Variants in SMYD3 observed in about 807,000 individuals in gnomAD.
The protein encoded by SMYD3 is histone-lysine N-methyltransferase SMYD3.
In SMYD3, 36 loss-of-function variants were observed where a neutral mutation model predicts 57.7. The observed-to-expected ratio is 0.62, with a 90% confidence interval of 0.48 to 0.82. The LOEUF (loss-of-function observed/expected upper bound fraction) is 0.82, where lower values mean the gene tolerates loss of function less well. Ranked by LOEUF, SMYD3 falls within the 40% of genes least tolerant of loss-of-function variation. The pLI, the probability that SMYD3 is intolerant of heterozygous loss-of-function variation, is 0.00. For missense variants in SMYD3, 515 were observed against 538.8 expected, an observed-to-expected ratio of 0.96 and a Z score of 0.44; for synonymous variants, 211 against 195.0, an observed-to-expected ratio of 1.08 and a Z score of -0.68.
intron 5 of SMYD3, among the ~76,000 whole-genome samples, chr1:246,188,834 A>G (rs1345212664): frequency 6.6e-6 from 1 of 151,808 alleles, no homozygotes; most frequent in Non-Finnish European, 1.5e-5. Flanking sequence ...GGTGGTGCAC[A>G]TTTGTGGTCC....
chr1:246,129,589 G>C (rs1287761059), intron 5 of SMYD3, among the ~76,000 whole-genome samples: 3 of 152,084 alleles, frequency 2.0e-5, no homozygotes, highest in Non-Finnish European at 4.4e-5. Flanking sequence ...GTAGCCCAAA[G>C]GGAACCAAGA....
At chr1:245,935,296 AT>A (rs1202239411) in intron 5 of SMYD3, among the ~76,000 whole-genome samples, 1 of 152,254 alleles carries the variant, frequency 6.6e-6, no homozygotes, top group Non-Finnish European at 1.5e-5. Context: ...CAAAAGATTC[AT>A]GAGAAAATGC....
At chr1:246,366,562 C>T (rs1380162357) in intron 1 of SMYD3, among the ~76,000 whole-genome samples, 3 of 142,038 alleles carry the variant, frequency 2.1e-5, no homozygotes, top group African/African-American at 8.1e-5. Context: ...AGAAAACCTT[C>T]TTTTTCTCTT....
At chr1:245,869,732 G>A (rs778552054) in intron 8 of SMYD3, among the ~76,000 whole-genome samples, 2 of 151,730 alleles carry the variant, frequency 1.3e-5, no homozygotes, top group East Asian at 1.9e-4. Flanking sequence ...TCCTACCCAC[G>A]CCCATCTCTG....
chr1:245,915,358 C>A (rs1233574151), intron 8 of SMYD3, among the ~76,000 whole-genome samples, 172 bp downstream of exon 8: 1 of 152,126 alleles, frequency 6.6e-6, no homozygotes, highest in African/African-American at 2.4e-5. Context: ...TGGTGGGTGA[C>A]AAAAGTTCCA....
At chr1:246,191,039 C>T (rs1243974696) in intron 5 of SMYD3, among the ~76,000 whole-genome samples, 1 of 152,194 alleles carries the variant, frequency 6.6e-6, no homozygotes, top group Non-Finnish European at 1.5e-5. Context: ...ATACTGAATA[C>T]CCTAAGGTAG....
intron 5 of SMYD3, among the ~76,000 whole-genome samples, chr1:246,133,591 A>G (rs1432889020): frequency 6.6e-6 from 1 of 152,108 alleles, no homozygotes; most frequent in East Asian, 1.9e-4. Context: ...CTCACCAGCA[A>G]CTATCTTCTT....
In SMYD3 at chr1:245,837,853, T is replaced by G. The variant is rs142586814; in HGVS notation, c.1076+20643A>C. The stretch of plus-strand genomic sequence containing the variant: ...TTTGTGTCTGGGGAAAGGCAAGGCA[T>G]GAAATATACTTCACTGAAAGGTTGA... On this transcript the variant is annotated intron_variant, in intron 10 of 11. Coordinates refer to ENST00000490107, the MANE Select transcript of SMYD3 (RefSeq NM_001167740.2). Among the ~76,000 whole-genome samples the G allele has an allele frequency of 2.7e-3, 409 of 152,310 alleles. 2 individuals are homozygous for G. The highest frequency in any genetic ancestry group is 9.3e-3 in the African/African-American group (387 of 41,566).
At chr1:246,049,283 G>C (rs1305689489) in intron 5 of SMYD3, among the ~76,000 whole-genome samples, 1 of 151,690 alleles carries the variant, frequency 6.6e-6, no homozygotes, top group Non-Finnish European at 1.5e-5. Flanking sequence ...TATATACTAT[G>C]TGTTTTTTTT....
Position 245,998,520 on chromosome 1 carries a change from T to C in SMYD3, c.532-68583A>G, listed in dbSNP as rs556824723. Reference sequence around the variant, plus strand: ...TATTACAAAAGAAATGAAAAGTAAATATTGGTGAGGATGTAGAGAAACTGG... The same window carrying C: ...TATTACAAAAGAAATGAAAAGTAAACATTGGTGAGGATGTAGAGAAACTGG... On this transcript the variant is annotated intron_variant, in intron 5 of 11. Transcript: ENST00000490107. 9.2e-5 allele frequency among the ~76,000 whole-genome samples: 14 copies of C among 152,214 alleles called. No individual in the cohort carries two copies. The South Asian group carries it at 1.9e-3, about 20-fold the overall frequency.
intron 11 of SMYD3, among the ~76,000 whole-genome samples, chr1:245,763,801 A>C (rs1190394558): frequency 6.6e-6 from 1 of 152,162 alleles, no homozygotes; most frequent in Non-Finnish European, 1.5e-5. Context: ...TTATTTTTAT[A>C]AGAAGGTTGA....
intron 1 of SMYD3, among the ~76,000 whole-genome samples, chr1:246,407,083 A>G (rs2066877098): frequency 6.6e-6 from 1 of 152,224 alleles, no homozygotes; most frequent in Admixed American, 6.5e-5. Context: ...TTATGAGGAT[A>G]GTTTGGTTTT....
At position 245,830,458 on chromosome 1, in the gene SMYD3, A is replaced by C. The variant is rs1358832452; in HGVS notation, c.1076+28038T>G. On this transcript the variant is annotated intron_variant, in intron 10 of 11. Coordinates refer to ENST00000490107, the MANE Select transcript of SMYD3 (RefSeq NM_001167740.2). ...CTGCCTCCATGATTCAATTATCTCC[A>C]CCTGGCCCTGCCCTTGACATGTGGG... is the stretch of plus-strand genomic sequence containing the variant. Among the ~76,000 whole-genome samples, 4 of 152,176 alleles carry C rather than the reference A, an allele frequency of 2.6e-5. No individual in the cohort carries two copies. In the East Asian group the frequency reaches 7.7e-4, roughly 29 times the overall value.
chr1:246,084,591 G>A (rs999367158), intron 5 of SMYD3, among the ~76,000 whole-genome samples: 8 of 152,102 alleles, frequency 5.3e-5, no homozygotes, highest in African/African-American at 1.9e-4. Flanking sequence ...CTGGGAATCA[G>A]CATCACCATT....
intron 5 of SMYD3, among the ~76,000 whole-genome samples, chr1:246,027,538 T>C (rs141326412): frequency 1.3e-5 from 2 of 152,296 alleles, no homozygotes; most frequent in Admixed American, 6.5e-5. Flanking sequence ...GCCCATGTTC[T>C]ACCAATGTAA....
At chr1:245,845,859 T>A (rs533128596) in intron 10 of SMYD3, among the ~76,000 whole-genome samples, 1 of 152,368 alleles carries the variant, frequency 6.6e-6, no homozygotes, top group South Asian at 2.1e-4. Flanking sequence ...GGACATCTAT[T>A]CTTCTGGTTT....
intron 10 of SMYD3, among the ~76,000 whole-genome samples, chr1:245,826,887 C>A (rs2049531923): frequency 1.3e-5 from 2 of 152,134 alleles, no homozygotes; most frequent in East Asian, 3.9e-4. Flanking sequence ...GAGCATGGAG[C>A]AAACTGCCCC....
At chr1:246,209,686 T>A (rs894040708) in intron 5 of SMYD3, among the ~76,000 whole-genome samples, 3 of 152,192 alleles carry the variant, frequency 2.0e-5, no homozygotes, top group Non-Finnish European at 2.9e-5. Context: ...TGGTTTGTAC[T>A]GCAGAACACT....
chr1:246,236,472 TG>T (rs893498721), intron 5 of SMYD3, among the ~76,000 whole-genome samples: 25 of 152,102 alleles, frequency 1.6e-4, no homozygotes, highest in Non-Finnish European at 1.5e-4. Context: ...TGGAGTGCAG[TG>T]GTGCGATCTC....
Sources: allele counts gnomAD v4.1 joint callset (sites outside exome capture counted in the v4.1 genomes callset), GRCh38; gene constraint gnomAD v4.1.1; transcripts MANE v1.5; gene names NCBI Gene and HGNC (gene_info 2026-07-23, HGNC 2026-07-21).